ARID4B: variants seen among roughly 807,000 people sequenced by gnomAD.
ARID4B encodes the protein AT-rich interaction domain 4B, also known as AT-rich interactive domain-containing protein 4B.
A neutral mutation model predicts 147.5 loss-of-function variants in ARID4B; 26 were observed. The ratio of observed to expected loss-of-function variants is 0.18; its 90% CI spans 0.13 to 0.24. The LOEUF (loss-of-function observed/expected upper bound fraction) is 0.24, where lower values mean the gene tolerates loss of function less well. Ranked by LOEUF, ARID4B falls within the 10% of genes least tolerant of loss-of-function variation. The probability of loss-of-function intolerance (pLI) is 1.00; values close to 1 mark genes in which losing one functional copy is unlikely to be tolerated. For missense variants in ARID4B, 1,179 were observed against 1,511.5 expected, an observed-to-expected ratio of 0.78 and a Z score of 3.65; for synonymous variants, 512 against 507.9, an observed-to-expected ratio of 1.01 and a Z score of -0.11.
rs978036812 is a variant in ARID4B at position 235,223,105 on chromosome 1, G to A, written c.1065+61C>T. 20 of 1,103,768 alleles carry A rather than the reference G, an allele frequency of 1.8e-5. No individual in the cohort carries two copies. In the East Asian group the frequency reaches 5.2e-4, roughly 29 times the overall value. The allele number at this position is 1,103,768 out of a possible 1,614,324, so 68.4% of individuals were successfully genotyped here. Reference sequence around the variant, plus strand: ...GTTTAGAAAAACAATTTCAGAGATGGCAGATACCTGAGAAAACATGTTACA... The same window carrying A: ...GTTTAGAAAAACAATTTCAGAGATGACAGATACCTGAGAAAACATGTTACA... On this transcript the variant is annotated intron_variant, in intron 13 of 23. Transcript: ENST00000264183.
chr1:235,250,247 T>C (rs971057861), intron 6 of ARID4B, among the ~76,000 whole-genome samples: 1 of 152,214 alleles, frequency 6.6e-6, no homozygotes, highest in Non-Finnish European at 1.5e-5. Context: ...ATGGGATTAG[T>C]GACCCAAAAT....
intron 19 of ARID4B, among the ~76,000 whole-genome samples, chr1:235,188,100 T>C (rs1664817411): frequency 1.3e-5 from 2 of 152,028 alleles, no homozygotes; most frequent in Admixed American, 1.3e-4. Flanking sequence ...AGGATAAATA[T>C]GTGTGTGGGG....
At chr1:235,192,575 C>T (rs920957529) in intron 19 of ARID4B, among the ~76,000 whole-genome samples, 1 of 152,134 alleles carries the variant, frequency 6.6e-6, no homozygotes. Flanking sequence ...TATAAACACA[C>T]ATCTACAATA....
Position 235,314,416 on chromosome 1 carries a change from A to C in ARID4B, c.6+12498T>G, listed in dbSNP as rs189811687. Among the ~76,000 whole-genome samples the C allele has an allele frequency of 1.1e-3, 171 of 152,336 alleles. 1 individual carries two copies. The highest frequency in any genetic ancestry group is 4.0e-3 in the African/African-American group (168 of 41,562). On this transcript the variant is annotated intron_variant, in intron 2 of 23. Transcript: ENST00000264183. The stretch of plus-strand genomic sequence containing the variant: ...TTTACAAAAATTGAAACTGATGTTT[A>C]CTTTCATTTCAAAAACAGTAACTTT...
intron 2 of ARID4B, among the ~76,000 whole-genome samples, chr1:235,277,992 A>T (rs1270595174): frequency 6.6e-6 from 1 of 152,144 alleles, no homozygotes; most frequent in African/African-American, 2.4e-5. Context: ...AAACCTGAGT[A>T]TTATTCCCCT....
At chr1:235,223,291 C>A (rs548840399) in intron 12 of ARID4B, 31 bp from the exon 13 acceptor site, 2 of 1,186,394 alleles carry the variant, frequency 1.7e-6, no homozygotes, top group Non-Finnish European at 2.3e-6. Flanking sequence ...TATATTAGAT[C>A]CACACTACAT....
intron 6 of ARID4B, among the ~76,000 whole-genome samples, chr1:235,248,260 G>A (rs1479622750): frequency 6.6e-5 from 10 of 152,036 alleles, no homozygotes. Flanking sequence ...ATGTTGTCCA[G>A]GCTGGTCTCG....
chr1:235,301,038 C>CT (rs780839339), intron 2 of ARID4B, among the ~76,000 whole-genome samples: 1,968 of 112,114 alleles, frequency 0.018, 60 homozygotes, highest in African/African-American at 0.044. Flanking sequence ...TTTAAGTATT[C>CT]TTTTTTTTTT....
chr1:235,283,306 CAACTT>C (rs1327509361), intron 2 of ARID4B, among the ~76,000 whole-genome samples: 1 of 152,076 alleles, frequency 6.6e-6, no homozygotes, highest in Admixed American at 6.5e-5. Context: ...CAGGTAGTAA[CAACTT>C]AACACCCTCT....
intron 2 of ARID4B, among the ~76,000 whole-genome samples, chr1:235,266,344 T>C (rs1158676288): frequency 6.6e-6 from 1 of 152,234 alleles, no homozygotes; most frequent in African/African-American, 2.4e-5. Flanking sequence ...ACTCTTGCCT[T>C]TTCTTTTTGC....
intron 19 of ARID4B, among the ~76,000 whole-genome samples, chr1:235,191,716 AGAAAGCCTTCATCT>A (rs1262439030): frequency 6.6e-6 from 1 of 152,216 alleles, no homozygotes; most frequent in African/African-American, 2.4e-5. Context: ...TAACATTCTC[AGAAAGCCTTCATCT>A]GAGCCTTCTT....
Position 235,168,495 on chromosome 1 carries a change from A to G in ARID4B, c.*30T>C, listed in dbSNP as rs746272284. Reference sequence around the variant, plus strand: ...AAAAAAGTGGCCCTCAACAGCCATTAAGTGCAAAGTGCTTTAGCAAGTCCT... The same window carrying G: ...AAAAAAGTGGCCCTCAACAGCCATTGAGTGCAAAGTGCTTTAGCAAGTCCT... On this transcript the variant is annotated 3_prime_UTR_variant, in exon 24 of 24. Transcript: ENST00000264183. The G allele has an allele frequency of 2.5e-6, 4 of 1,609,222 alleles. No individual in the cohort carries two copies. The highest frequency in any genetic ancestry group is 3.4e-5 in the Admixed American group (2 of 59,542).
At chr1:235,219,682 T>C (rs900100963) in intron 16 of ARID4B, 111 bp downstream of exon 16, 1 of 849,450 alleles carries the variant, frequency 1.2e-6, no homozygotes, top group African/African-American at 1.8e-5. Context: ...AATCACTCTA[T>C]TATTTAATAT....
intron 16 of ARID4B, among the ~76,000 whole-genome samples, chr1:235,214,625 A>G (rs1666932461): frequency 6.6e-6 from 1 of 152,082 alleles, no homozygotes; most frequent in African/African-American, 2.4e-5. Context: ...TTTAATTTAA[A>G]CAGAAATATT....
chr1:235,312,280 G>A (rs1187535029), intron 2 of ARID4B, among the ~76,000 whole-genome samples: 3 of 146,714 alleles, frequency 2.0e-5, no homozygotes, highest in African/African-American at 5.2e-5. Flanking sequence ...GCGACAGTCC[G>A]TCTCAAAGAA....
intron 6 of ARID4B, among the ~76,000 whole-genome samples, chr1:235,248,304 C>T (rs1018759413): frequency 6.6e-6 from 1 of 152,142 alleles, no homozygotes; most frequent in Non-Finnish European, 1.5e-5. Context: ...CCCAACTCGG[C>T]CTCCCAAACT....
intron 10 of ARID4B, among the ~76,000 whole-genome samples, chr1:235,229,887 T>G (rs1208614830): frequency 6.6e-6 from 1 of 152,206 alleles, no homozygotes; most frequent in Non-Finnish European, 1.5e-5. Flanking sequence ...CTAGACACAA[T>G]TATTCTCATT....
At chr1:235,204,148 C>A (rs961222277) in intron 17 of ARID4B, among the ~76,000 whole-genome samples, 4 of 152,074 alleles carry the variant, frequency 2.6e-5, no homozygotes, top group Non-Finnish European at 5.9e-5. Context: ...ATGGTGAAAC[C>A]TCATCTCTCC....
chr1:235,325,898 G>A (rs536547030), intron 2 of ARID4B, among the ~76,000 whole-genome samples: 15 of 152,312 alleles, frequency 9.8e-5, no homozygotes, highest in African/African-American at 3.6e-4. Flanking sequence ...TAATTTGGAT[G>A]CAAAATTGTC....
Sources: gnomAD v4.1 joint callset for allele counts (sites outside exome capture counted in the v4.1 genomes callset) on GRCh38, gnomAD v4.1.1 for gene constraint, MANE v1.5 for transcripts, NCBI Gene and HGNC (gene_info 2026-07-23, HGNC 2026-07-21) for gene names.